The following CNTNAP4 variants were observed in gnomAD, a reference collection of about 807,000 sequenced individuals.
CNTNAP4 encodes the protein contactin-associated protein-like 4.
Under a neutral mutation model 148.4 loss-of-function variants are expected in CNTNAP4, and 98 were observed. The observed-to-expected ratio is 0.66, with a 90% CI of 0.56 to 0.78. The LOEUF is 0.78. Ranked by LOEUF, CNTNAP4 falls within the 30% of genes least tolerant of loss-of-function variation. CNTNAP4 has a pLI of 0.00. For synonymous variants in CNTNAP4, 730 were observed against 565.1 expected, an observed-to-expected ratio of 1.29 and a Z score of -4.14; for missense variants, 1,935 against 1,565.6, an observed-to-expected ratio of 1.24 and a Z score of -3.98.
chr16:76,282,118 A>G (rs1397438972), intron 1 of CNTNAP4, among the ~76,000 whole-genome samples: 4 of 151,930 alleles, frequency 2.6e-5, no homozygotes, highest in Non-Finnish European at 4.4e-5. Context: ...AGTCTTAATT[A>G]TTTAGCACAC....
Position 76,279,180 on chromosome 16 carries a change from T to C in CNTNAP4, c.85+1433T>C, listed in dbSNP as rs530518117. Among the ~76,000 whole-genome samples, 6 of 152,170 alleles carry C rather than the reference T, an allele frequency of 3.9e-5. No individual in the cohort carries two copies. In the South Asian group the frequency reaches 1.2e-3, roughly 32 times the overall value. ...CATAAGTAATTCATCTTCCAACCAC[T>C]AAAGTTCAACCAAAAAGAAAAGCAC... On this transcript the variant is annotated intron_variant, in intron 1 of 23. Coordinates refer to ENST00000611870, the MANE Select transcript of CNTNAP4 (RefSeq NM_033401.5).
chr16:76,531,678 C>G (rs1230871734), intron 17 of CNTNAP4, among the ~76,000 whole-genome samples: 1 of 152,134 alleles, frequency 6.6e-6, no homozygotes, highest in African/African-American at 2.4e-5. Flanking sequence ...GCACTGGAAT[C>G]TTTAATTAAG....
intron 1 of CNTNAP4, among the ~76,000 whole-genome samples, chr16:76,296,026 C>G (rs769335850): frequency 6.6e-5 from 10 of 152,094 alleles, no homozygotes; most frequent in Non-Finnish European, 1.5e-4. Flanking sequence ...TTTTTTGAAA[C>G]TCTCTTCCTA....
chr16:76,352,336 A>T (rs577403030), intron 2 of CNTNAP4, among the ~76,000 whole-genome samples: 16 of 152,298 alleles, frequency 1.1e-4, no homozygotes, highest in Middle Eastern at 3.4e-3. Flanking sequence ...ATGTGCCTAT[A>T]CTTCAAAGAC....
At chr16:76,443,408 A>C (rs1369482706) in intron 4 of CNTNAP4, among the ~76,000 whole-genome samples, 1 of 152,098 alleles carries the variant, frequency 6.6e-6, no homozygotes, top group East Asian at 1.9e-4. Flanking sequence ...ACATGGAGAA[A>C]CTCCATTTCT....
chr16:76,427,409 G>A (rs770010702), intron 3 of CNTNAP4, 43 bp from the exon 4 acceptor site: 4 of 1,547,180 alleles, frequency 2.6e-6, no homozygotes, highest in East Asian at 2.3e-5. Flanking sequence ...TGAAATGGAT[G>A]TTCTCCAGAT....
At chr16:76,503,923 G>T (rs898460268) in intron 15 of CNTNAP4, among the ~76,000 whole-genome samples, 2 of 151,066 alleles carry the variant, frequency 1.3e-5, no homozygotes, top group Non-Finnish European at 1.5e-5. Flanking sequence ...AAAATATTTT[G>T]GTGTAAATAT....
intron 10 of CNTNAP4, among the ~76,000 whole-genome samples, chr16:76,473,334 A>C (rs2081439083): frequency 6.6e-6 from 1 of 152,192 alleles, no homozygotes; most frequent in African/African-American, 2.4e-5. Flanking sequence ...ATACACAGTG[A>C]GATTGTCAGT....
At chr16:76,489,410 T>G (rs370213884) in intron 12 of CNTNAP4, among the ~76,000 whole-genome samples, 4 of 152,310 alleles carry the variant, frequency 2.6e-5, no homozygotes, top group South Asian at 4.1e-4. Flanking sequence ...TTTCTTAATA[T>G]TTTTCATCAT....
chr16:76,293,835 T>TAAAAA (rs201927804), intron 1 of CNTNAP4, among the ~76,000 whole-genome samples: 2,593 of 146,060 alleles, frequency 0.018, 40 homozygotes, highest in African/African-American at 0.049. Context: ...TTTTTTTTTT[T>TAAAAA]AAAAAAAAGG....
At chr16:76,412,876 A>G (rs1273679881) in intron 3 of CNTNAP4, among the ~76,000 whole-genome samples, 2 of 151,536 alleles carry the variant, frequency 1.3e-5, no homozygotes. Flanking sequence ...ATATTCAGCT[A>G]TGTTATCTTC....
At chr16:76,280,501 C>G (rs952489415) in intron 1 of CNTNAP4, among the ~76,000 whole-genome samples, 5 of 152,060 alleles carry the variant, frequency 3.3e-5, no homozygotes, top group Non-Finnish European at 7.4e-5. Context: ...GACTCATGTG[C>G]TTGCATATTT....
chr16:76,400,497 C>T (rs906768491), intron 3 of CNTNAP4, among the ~76,000 whole-genome samples: 1 of 151,980 alleles, frequency 6.6e-6, no homozygotes, highest in African/African-American at 2.4e-5. Flanking sequence ...TGTAAGTTGT[C>T]TGTTTATTGA....
chr16:76,293,169 G>C, intron 1 of CNTNAP4, among the ~76,000 whole-genome samples: 1 of 151,320 alleles, frequency 6.6e-6, no homozygotes, highest in East Asian at 1.9e-4. Context: ...TCTGTTGCCA[G>C]GCTGGAGTGC....
In CNTNAP4 at chr16:76,316,530, C is replaced by G. The variant is rs1024965168; in HGVS notation, c.196+7C>G. The G allele has an allele frequency of 6.3e-7, 1 of 1,580,400 alleles. No homozygotes were observed. The highest frequency in any genetic ancestry group is 2.2e-5 in the East Asian group (1 of 44,680). The stretch of plus-strand genomic sequence containing the variant: ...AGGCTGAATAGAAGAGATGGTAAGT[C>G]TGCTTTTCTCCTCTGACTGGCCCAT... On this transcript the variant is annotated splice_region_variant and intron_variant, in intron 2 of 23. Coordinates refer to ENST00000611870, the MANE Select transcript of CNTNAP4 (RefSeq NM_033401.5).
At chr16:76,398,666 C>T (rs1317956790) in intron 3 of CNTNAP4, among the ~76,000 whole-genome samples, 1 of 152,154 alleles carries the variant, frequency 6.6e-6, no homozygotes, top group African/African-American at 2.4e-5. Flanking sequence ...ACAGTGTACA[C>T]TCCCACCATC....
chr16:76,461,634 C>T (rs2080966631), intron 8 of CNTNAP4, among the ~76,000 whole-genome samples: 1 of 152,112 alleles, frequency 6.6e-6, no homozygotes, highest in African/African-American at 2.4e-5. Flanking sequence ...TTGGGTATAT[C>T]TTGGAATTTT....
chr16:76,423,044 A>G (rs942295287), intron 3 of CNTNAP4, among the ~76,000 whole-genome samples: 2 of 152,134 alleles, frequency 1.3e-5, no homozygotes, highest in Non-Finnish European at 2.9e-5. Flanking sequence ...TCACCGTTCC[A>G]CGATGTGAGA....
chr16:76,311,044 G>C (rs1004883719), intron 1 of CNTNAP4, among the ~76,000 whole-genome samples: 8 of 151,990 alleles, frequency 5.3e-5, no homozygotes, highest in Non-Finnish European at 5.9e-5. Flanking sequence ...AGGATCAGTT[G>C]AGTTAATGCA....
Sources: allele counts gnomAD v4.1 joint callset (sites outside exome capture counted in the v4.1 genomes callset), GRCh38; gene constraint gnomAD v4.1.1; transcripts MANE v1.5; gene names NCBI Gene and HGNC (gene_info 2026-07-23, HGNC 2026-07-21).